Variants in LY75 observed in about 807,000 individuals in gnomAD.
LY75 encodes lymphocyte antigen 75.
LY75 carries 185 observed loss-of-function variants against 231.7 expected under a neutral mutation model. The ratio of observed to expected loss-of-function variants is 0.80; its 90% CI spans 0.71 to 0.90. The LOEUF (loss-of-function observed/expected upper bound fraction) is 0.90. Ranked by LOEUF, LY75 falls within the 40% of genes least tolerant of loss-of-function variation. LY75 has a pLI of 0.00. For synonymous variants in LY75, 668 were observed against 689.0 expected, an observed-to-expected ratio of 0.97 and a Z score of 0.48; for missense variants, 1,947 against 2,050.2, an observed-to-expected ratio of 0.95 and a Z score of 0.97.
At chr2:159,850,674 C>T (rs1189230352) in intron 21 of LY75, among the ~76,000 whole-genome samples, 2 of 148,360 alleles carry the variant, frequency 1.3e-5, no homozygotes, top group South Asian at 2.1e-4. Flanking sequence ...TTGCACAGGC[C>T]GGAGTGCAGT....
chr2:159,863,425 T>C (rs1684771464), intron 14 of LY75, among the ~76,000 whole-genome samples: 1 of 152,190 alleles, frequency 6.6e-6, no homozygotes, highest in Non-Finnish European at 1.5e-5. Flanking sequence ...ACCAACAGTG[T>C]GCAAAAGCTC....
At chr2:159,901,274 A>G (rs1686070108) in intron 1 of LY75, among the ~76,000 whole-genome samples, 1 of 152,236 alleles carries the variant, frequency 6.6e-6, no homozygotes, top group South Asian at 2.1e-4. Context: ...GCCTTCTCCC[A>G]CAATTCAATA....
At chr2:159,833,858 T>A (rs1208277095) in intron 27 of LY75, among the ~76,000 whole-genome samples, 186 bp downstream of exon 27, 1 of 152,228 alleles carries the variant, frequency 6.6e-6, no homozygotes, top group Non-Finnish European at 1.5e-5. Flanking sequence ...GCAGTTTCCC[T>A]GCACATGCTC....
intron 12 of LY75, among the ~76,000 whole-genome samples, chr2:159,873,137 AAAG>A (rs902036397): frequency 2.1e-5 from 3 of 139,686 alleles, no homozygotes; most frequent in East Asian, 2.2e-4. Context: ...GGAGAAAAAG[AAAG>A]AAGAAGAAAG....
intron 13 of LY75, chr2:159,872,171 G>T: frequency 3.8e-6 from 1 of 260,258 alleles, no homozygotes; most frequent in Non-Finnish European, 7.2e-6. Flanking sequence ...GAATTCCCAA[G>T]GCCCTTCCTT....
chr2:159,904,724 C>T lies in LY75; in HGVS notation c.-42G>A. 2.2e-6 allele frequency: 3 copies of T among 1,377,690 alleles called. No individual in the cohort carries two copies. Among genetic ancestry groups the T allele is most frequent in the East Asian group, 3.1e-5 (1 of 32,252 alleles). 85.3% of individuals were successfully genotyped at this position (1,377,690 alleles called of 1,614,324 possible). A position where few individuals can be genotyped will look rare whatever the true frequency, so the allele number is the denominator to read the frequency against. On this transcript the variant is annotated 5_prime_UTR_variant, in exon 1 of 35. The change creates a new upstream start codon in the 5' untranslated region. Coordinates refer to ENST00000263636, the MANE Select transcript of LY75 (RefSeq NM_002349.4). ...CCTTCCGGCCGGGTCCTCGGGCGCA[C>T]GCGGCTCCCGCCCCGCCTGCTGAGC...
In LY75 at chr2:159,863,119, G is replaced by A. The variant is rs1169049203; in HGVS notation, c.2199+1720C>T. Among the ~76,000 whole-genome samples, 7 of 150,378 alleles carry A rather than the reference G, an allele frequency of 4.7e-5. No individual in the cohort carries two copies. The East Asian group carries it at 1.4e-3, about 29-fold the overall frequency. On this transcript the variant is annotated intron_variant, in intron 14 of 34. Transcript: ENST00000263636. Reference sequence around the variant, plus strand: ...CATAATGTCCTCCAGGGTCACCCATGTTGTCACAAACGGCAGGATTTCCTT... The same window carrying A: ...CATAATGTCCTCCAGGGTCACCCATATTGTCACAAACGGCAGGATTTCCTT...
At chr2:159,860,744 C>G in intron 15 of LY75, 77 bp downstream of exon 15, 1 of 1,555,472 alleles carries the variant, frequency 6.4e-7, no homozygotes. Flanking sequence ...AAAAGACACT[C>G]CATGGATCTG....
intron 31 of LY75, among the ~76,000 whole-genome samples, chr2:159,812,708 T>C (rs939119930): frequency 6.6e-6 from 1 of 152,192 alleles, no homozygotes; most frequent in African/African-American, 2.4e-5. Context: ...CCACCACATC[T>C]GGCCTTAACC....
At chr2:159,879,647 A>T (rs1685375856) in intron 8 of LY75, among the ~76,000 whole-genome samples, 1 of 152,190 alleles carries the variant, frequency 6.6e-6, no homozygotes, top group African/African-American at 2.4e-5. Context: ...TTAGTATAAA[A>T]GTTGAAGAGA....
In LY75 at chr2:159,893,895, T is replaced by A. The variant is rs201424505; in HGVS notation, c.637+19A>T. ...AAATGTACTACCTTTCCACATAAAA[T>A]TTACCAGCCCATACATACCAGGCTT... is the stretch of plus-strand genomic sequence containing the variant. On this transcript the variant is annotated intron_variant, in intron 3 of 34. Coordinates refer to ENST00000263636, the MANE Select transcript of LY75 (RefSeq NM_002349.4). 4 of 1,587,210 alleles carry A rather than the reference T, an allele frequency of 2.5e-6. No individual in the cohort carries two copies. Among genetic ancestry groups the A allele is most frequent in the East Asian group, 4.5e-5 (2 of 44,360 alleles).
chr2:159,862,072 G>A (rs565635035), intron 14 of LY75, among the ~76,000 whole-genome samples: 20 of 152,074 alleles, frequency 1.3e-4, no homozygotes, highest in Admixed American at 5.2e-4. Flanking sequence ...AGGCTGAGGC[G>A]GGTGGATCAC....
chr2:159,850,250 C>A, intron 22 of LY75, 110 bp from the exon 23 acceptor site: 1 of 1,503,344 alleles, frequency 6.7e-7, no homozygotes, highest in South Asian at 1.3e-5. Context: ...TTTATCTGTT[C>A]CATAACAAAA....
chr2:159,861,749 C>T (rs779464124), intron 14 of LY75, among the ~76,000 whole-genome samples: 3 of 151,998 alleles, frequency 2.0e-5, no homozygotes, highest in Admixed American at 6.6e-5. Context: ...CCCACCTAGT[C>T]CCCCCAGAAA....
chr2:159,852,318 A>G lies in LY75; in HGVS notation c.2766T>C (p.Cys922=), dbSNP rs767382631. 1 of 1,613,978 alleles carries G rather than the reference A, an allele frequency of 6.2e-7. No homozygotes were observed. Among genetic ancestry groups the G allele is most frequent in the South Asian group, 1.1e-5 (1 of 91,072 alleles). Residue 922 remains cysteine, a synonymous_variant, in exon 21 of 35, where the codon TGT becomes TGC. Transcript: ENST00000263636. ...WLIDLGKPTD[C]STKLPFICEK... ...CACAGATGAAGGGCAACTTGGTACTACAGTCTGTTGGTTTACCTAAGTCTG... is the reference window on the plus strand; with the variant it reads ...CACAGATGAAGGGCAACTTGGTACTGCAGTCTGTTGGTTTACCTAAGTCTG...
intron 30 of LY75, among the ~76,000 whole-genome samples, chr2:159,816,486 T>G (rs1683122275): frequency 6.6e-6 from 1 of 152,222 alleles, no homozygotes; most frequent in Non-Finnish European, 1.5e-5. Context: ...CTACTGGTAC[T>G]CAAACTCAGG....
intron 1 of LY75, among the ~76,000 whole-genome samples, chr2:159,903,813 A>G (rs1325016334): frequency 6.6e-6 from 1 of 152,132 alleles, no homozygotes; most frequent in Non-Finnish European, 1.5e-5. Flanking sequence ...GGTTGCTGCC[A>G]AGGGGTGTGG....
chr2:159,807,233 C>A, intron 33 of LY75, 93 bp from the exon 34 acceptor site: 3 of 1,359,060 alleles, frequency 2.2e-6, no homozygotes, highest in Non-Finnish European at 3.0e-6. Flanking sequence ...ACTGTGCTGT[C>A]CAATATGAGA....
Position 159,853,274 on chromosome 2 carries a change from G to A in LY75, c.2742C>T (p.Ile914=), listed in dbSNP as rs34442850. 0.015 allele frequency: 23,929 copies of A among 1,610,722 alleles called. 192 individuals carry two copies. The highest frequency in any genetic ancestry group is 0.017 in the Non-Finnish European group (19,603 of 1,177,546). Residue 914 remains isoleucine, a splice_region_variant and synonymous_variant, in exon 20 of 35, where the codon ATC becomes ATT. Transcript: ENST00000263636. ...CLYMSAKTWL[I]DLGKPTDCST... The stretch of plus-strand genomic sequence containing the variant: ...TAAAGGATTTAGAATTAACTTTACC[G>A]ATAAGCCAAGTCTTGGCAGACATGT...
Sources: gnomAD v4.1 joint callset for allele counts (sites outside exome capture counted in the v4.1 genomes callset) on GRCh38, gnomAD v4.1.1 for gene constraint, MANE v1.5 for transcripts, NCBI Gene and HGNC (gene_info 2026-07-23, HGNC 2026-07-21) for gene names.